Variants in SPINK7 observed in about 807,000 individuals in gnomAD.
SPINK7 encodes the protein serine peptidase inhibitor Kazal type 7.
In SPINK7, 8 loss-of-function variants were observed where a neutral mutation model predicts 11.6. The observed-to-expected ratio is 0.69, with a 90% confidence interval of 0.41 to 1.25. The LOEUF (loss-of-function observed/expected upper bound fraction) is 1.25, where lower values mean the gene tolerates loss of function less well. Among genes scored for constraint, SPINK7 ranks in the 50% most tolerant of loss-of-function variants. The pLI is 0.01. For synonymous variants in SPINK7, 38 were observed against 35.3 expected (o/e 1.08, Z -0.27); for missense variants, 113 against 99.3 (o/e 1.14, Z -0.58).
chr5:148,314,176 C>T lies in SPINK7; in HGVS notation c.164C>T (p.Ser55Phe), dbSNP rs1035985547. The stretch of plus-strand genomic sequence containing the variant: ...ATCACATACCTACCAGTTTGTGGTT[C>T]TGACTACATCACCTATGGGAATGAA... ...CPITYLPVCGSDYITYGNECH... is the reference protein window; with the variant it reads ...CPITYLPVCGFDYITYGNECH... The change falls in exon 3 of 4, where the codon TCT becomes TTT. Residue 55 changes from serine (S) to phenylalanine (F), a missense_variant. Ser to Phe is a radical substitution (Grantham distance 155). Coordinates refer to ENST00000274565, the MANE Select transcript of SPINK7 (RefSeq NM_032566.3). 7 of 1,613,672 alleles carry T rather than the reference C, an allele frequency of 4.3e-6. No homozygotes were observed. The highest frequency in any genetic ancestry group is 5.9e-6 in the Non-Finnish European group (7 of 1,179,768).
intron 3 of SPINK7, 47 bp from the exon 4 acceptor site, chr5:148,315,592 A>C (rs1270516127): frequency 8.1e-7 from 1 of 1,230,178 alleles, no homozygotes; most frequent in Non-Finnish European, 1.2e-6. Flanking sequence ...CATTACATAA[A>C]ATTTCCTCTT....
chr5:148,314,361 T>C (rs574672744), intron 3 of SPINK7, 137 bp downstream of exon 3: 3 of 985,126 alleles, frequency 3.0e-6, no homozygotes, highest in Admixed American at 2.3e-5. Context: ...CAGGTGGGGA[T>C]AGAAAACTGA....
chr5:148,312,614 G>A lies in SPINK7; in HGVS notation c.61+70G>A, dbSNP rs1389887077. 1.6e-5 allele frequency: 14 copies of A among 854,798 alleles called. No individual in the cohort carries two copies. The Admixed American group carries it at 2.7e-4, about 17-fold the overall frequency. 53.0% of individuals were successfully genotyped at this position (854,798 alleles called of 1,614,324 possible). On this transcript the variant is annotated intron_variant, in intron 1 of 3. Transcript: ENST00000274565. ...TTTCATAAATAATCCCTCCTGCGATGTGAGCATCTCAGAAACATCTGGTTG... is the reference window on the plus strand; with the variant it reads ...TTTCATAAATAATCCCTCCTGCGATATGAGCATCTCAGAAACATCTGGTTG...
Position 148,315,720 on chromosome 5 carries a change from C to CTCA in SPINK7, c.*45_*47dup, listed in dbSNP as rs3217238. On this transcript the variant is annotated 3_prime_UTR_variant, in exon 4 of 4. Coordinates refer to ENST00000274565, the MANE Select transcript of SPINK7 (RefSeq NM_032566.3). ...GACATAGAGAGAAAGGAATGATATT[C>CTCA]TCATCATCATCTTCATCATCCCAGG... 288,103 of 1,183,430 alleles carry CTCA rather than the reference C, an allele frequency of 0.24. 42,969 individuals carry two copies. Among genetic ancestry groups the CTCA allele is most frequent in the African/African-American group, 0.5 (32,643 of 64,926 alleles). The allele number at this position is 1,183,430 out of a possible 1,614,324, so 73.3% of individuals were successfully genotyped here.
intron 1 of SPINK7, among the ~76,000 whole-genome samples, chr5:148,312,867 A>T (rs1283649477): frequency 1.3e-5 from 2 of 152,130 alleles, no homozygotes; most frequent in Non-Finnish European, 2.9e-5. Flanking sequence ...AAAAACTTGG[A>T]TGTCTTCCCA....
intron 3 of SPINK7, 29 bp downstream of exon 3, chr5:148,314,253 T>G (rs1456340300): frequency 6.2e-7 from 1 of 1,612,400 alleles, no homozygotes; most frequent in Non-Finnish European, 8.5e-7. Context: ...GAAAATGAGA[T>G]CTGGAGTCAG....
At chr5:148,315,343 G>A (rs916086084) in intron 3 of SPINK7, among the ~76,000 whole-genome samples, 2 of 152,092 alleles carry the variant, frequency 1.3e-5, no homozygotes, top group African/African-American at 4.8e-5. Context: ...CTGAGAGACA[G>A]GCCCTCTCAA....
At chr5:148,314,345 G>C (rs1756903188) in intron 3 of SPINK7, 121 bp downstream of exon 3, 4 of 1,153,874 alleles carry the variant, frequency 3.5e-6, no homozygotes, top group Non-Finnish European at 5.0e-6. Flanking sequence ...TTCCCACCCA[G>C]AACAGCAGGT....
intron 3 of SPINK7, chr5:148,314,577 T>A: frequency 4.1e-6 from 1 of 244,486 alleles, no homozygotes; most frequent in Non-Finnish European, 7.9e-6. Context: ...TTGGGGTAGT[T>A]GACAACATAA....
At chr5:148,313,290 AT>A in intron 1 of SPINK7, 83 bp from the exon 2 acceptor site, 1 of 1,040,038 alleles carries the variant, frequency 9.6e-7, no homozygotes, top group South Asian at 1.6e-5. Flanking sequence ...ATGTAGAGTA[AT>A]TATATAGGAT....
intron 3 of SPINK7, among the ~76,000 whole-genome samples, chr5:148,315,347 C>T (rs1469792522): frequency 6.6e-6 from 1 of 152,072 alleles, no homozygotes; most frequent in Non-Finnish European, 1.5e-5. Flanking sequence ...GAGACAGGCC[C>T]TCTCAATTTT....
At chr5:148,313,238 G>A in intron 1 of SPINK7, 136 bp from the exon 2 acceptor site, 1 of 553,120 alleles carries the variant, frequency 1.8e-6, no homozygotes, top group Non-Finnish European at 3.0e-6. Context: ...CTAGGATTTT[G>A]CATAAGGATG....
chr5:148,314,700 C>G (rs1166929805), intron 3 of SPINK7, among the ~76,000 whole-genome samples: 1 of 152,052 alleles, frequency 6.6e-6, no homozygotes, highest in Admixed American at 6.6e-5. Flanking sequence ...CACTACCTGA[C>G]TTAGATTCTA....
At chr5:148,314,824 G>T (rs1254556282) in intron 3 of SPINK7, among the ~76,000 whole-genome samples, 2 of 152,030 alleles carry the variant, frequency 1.3e-5, no homozygotes, top group African/African-American at 4.8e-5. Context: ...GGGGAATAAG[G>T]CTACAAAAAT....
chr5:148,313,150 G>T (rs1756882061), intron 1 of SPINK7, among the ~76,000 whole-genome samples: 1 of 151,956 alleles, frequency 6.6e-6, no homozygotes, highest in Admixed American at 6.6e-5. Context: ...TCAATAAATA[G>T]AGGAAATTTT....
chr5:148,313,561 C>A, intron 2 of SPINK7, 162 bp downstream of exon 2: 1 of 456,240 alleles, frequency 2.2e-6, no homozygotes, highest in Non-Finnish European at 4.0e-6. Context: ...ATATGACATA[C>A]ATATAAACAA....
chr5:148,314,106 T>G lies in SPINK7; in HGVS notation c.94T>G (p.Cys32Gly). The G allele has an allele frequency of 1.2e-6, 2 of 1,613,798 alleles. No homozygotes were observed. Among genetic ancestry groups the G allele is most frequent in the South Asian group, 1.1e-5 (1 of 91,062 alleles). ...AASLSPKKVD[C>G]SIYKKYPVVA... is the part of the protein sequence containing the mutation. ...TTGCTTGTATATGACACAGGTGGAC[T>G]GCAGCATTTACAAGAAGTATCCAGT... The change falls in exon 3 of 4, where the codon TGC (cysteine) becomes GGC (glycine). Residue 32 changes from cysteine to glycine, a missense_variant. By Grantham distance (159) the Cys-to-Gly change is radical. Coordinates refer to ENST00000274565, the MANE Select transcript of SPINK7 (RefSeq NM_032566.3).
intron 1 of SPINK7, among the ~76,000 whole-genome samples, chr5:148,312,943 T>C (rs6580542): frequency 0.33 from 50,338 of 151,840 alleles, 9,112 homozygotes; most frequent in African/African-American, 0.49. Flanking sequence ...AATTAGACTT[T>C]TATACTGTGA....
intron 2 of SPINK7, 126 bp from the exon 3 acceptor site, chr5:148,313,974 C>T: frequency 8.5e-7 from 1 of 1,175,126 alleles, no homozygotes; most frequent in African/African-American, 1.5e-5. Flanking sequence ...AACACTAGTA[C>T]TTAAAGAAGT....
Sources: allele counts gnomAD v4.1 joint callset (sites outside exome capture counted in the v4.1 genomes callset), GRCh38; gene constraint gnomAD v4.1.1; transcripts MANE v1.5; gene names NCBI Gene and HGNC (gene_info 2026-07-23, HGNC 2026-07-21).